PCBD2: variants seen among roughly 807,000 people sequenced by gnomAD.
PCBD2 encodes the protein pterin-4 alpha-carbinolamine dehydratase 2.
PCBD2 carries 12 observed loss-of-function variants against 16.4 expected under a neutral mutation model. That is an observed-to-expected ratio of 0.73 (90% CI 0.47 to 1.19). PCBD2 has a LOEUF of 1.19. Ranked by LOEUF, PCBD2 falls within the 50% of genes most tolerant of loss-of-function variation. The probability of loss-of-function intolerance (pLI) is 0.00; values close to 1 mark genes in which losing one functional copy is unlikely to be tolerated. For synonymous variants in PCBD2, 58 were observed against 61.8 expected, an observed-to-expected ratio of 0.94 and a Z score of 0.29; for missense variants, 138 against 156.8, an observed-to-expected ratio of 0.88 and a Z score of 0.64.
intron 2 of PCBD2, among the ~76,000 whole-genome samples, chr5:134,930,404 C>T (rs1751079445): frequency 6.6e-6 from 1 of 152,138 alleles, no homozygotes; most frequent in Non-Finnish European, 1.5e-5. Flanking sequence ...TACATACAAC[C>T]CTTTCTCACC....
At chr5:134,952,672 G>A (rs1310885782) in intron 2 of PCBD2, among the ~76,000 whole-genome samples, 6 of 152,090 alleles carry the variant, frequency 3.9e-5, no homozygotes, top group Admixed American at 3.3e-4. Flanking sequence ...AGGCATAATG[G>A]CACTTGCCTG....
intron 2 of PCBD2, among the ~76,000 whole-genome samples, chr5:134,929,383 A>G (rs530360781): frequency 6.6e-6 from 1 of 151,898 alleles, no homozygotes; most frequent in South Asian, 2.1e-4. Flanking sequence ...AATCAGGTCA[A>G]TGTCATGTCA....
chr5:134,955,001 C>T (rs963281375), intron 2 of PCBD2, among the ~76,000 whole-genome samples: 1 of 151,920 alleles, frequency 6.6e-6, no homozygotes, highest in Admixed American at 6.6e-5. Flanking sequence ...CTCGGCTTCC[C>T]AAAGTGCTGG....
intron 1 of PCBD2, among the ~76,000 whole-genome samples, chr5:134,909,206 A>C (rs1402838359): frequency 6.6e-6 from 1 of 152,236 alleles, no homozygotes; most frequent in Non-Finnish European, 1.5e-5. Context: ...GACAGTGCAC[A>C]CAAGTGCTTT....
intron 2 of PCBD2, among the ~76,000 whole-genome samples, chr5:134,931,240 C>T (rs1464608922): frequency 5.3e-5 from 8 of 151,904 alleles, no homozygotes; most frequent in Admixed American, 5.2e-4. Context: ...TGGTGGTGTG[C>T]TATAAAGAAA....
chr5:134,910,009 G>T (rs1231054172), intron 1 of PCBD2, among the ~76,000 whole-genome samples: 1 of 152,216 alleles, frequency 6.6e-6, no homozygotes, highest in Non-Finnish European at 1.5e-5. Flanking sequence ...GGCGGAGGTT[G>T]CAGTGAGCTG....
chr5:134,917,810 C>A (rs4345357), intron 2 of PCBD2, among the ~76,000 whole-genome samples: 3 of 152,080 alleles, frequency 2.0e-5, no homozygotes, highest in Non-Finnish European at 4.4e-5. Flanking sequence ...CTTTGGGGTT[C>A]GTAAAATGTT....
chr5:134,914,751 A>T (rs1187997916), intron 2 of PCBD2, among the ~76,000 whole-genome samples: 1 of 151,688 alleles, frequency 6.6e-6, no homozygotes, highest in Non-Finnish European at 1.5e-5. Context: ...GGCTCACTGC[A>T]ACCTCCACCT....
chr5:134,910,609 A>T, intron 2 of PCBD2, 143 bp downstream of exon 2: 2 of 1,097,448 alleles, frequency 1.8e-6, no homozygotes, highest in Non-Finnish European at 2.6e-6. Flanking sequence ...TGATAGAGTG[A>T]CATCCTTGTT....
At chr5:134,960,472 TC>T in intron 3 of PCBD2, 113 bp from the exon 4 acceptor site, 1 of 711,438 alleles carries the variant, frequency 1.4e-6, no homozygotes, top group South Asian at 2.0e-5. Flanking sequence ...AATCATTTAA[TC>T]CCCCTAATTC....
chr5:134,927,791 G>A (rs1340795910), intron 2 of PCBD2: 2 of 397,572 alleles, frequency 5.0e-6, no homozygotes, highest in Admixed American at 4.4e-5. Flanking sequence ...TGGATAAGTG[G>A]CGTTGGCTTG....
chr5:134,935,430 C>T (rs529002588), intron 2 of PCBD2, among the ~76,000 whole-genome samples: 2 of 152,174 alleles, frequency 1.3e-5, no homozygotes, highest in South Asian at 2.1e-4. Context: ...CCACATGTTA[C>T]GATTTGCACA....
At chr5:134,937,797 TGTTA>T (rs1751177841) in intron 2 of PCBD2, among the ~76,000 whole-genome samples, 1 of 152,272 alleles carries the variant, frequency 6.6e-6, no homozygotes, top group South Asian at 2.1e-4. Flanking sequence ...CAATCACATT[TGTTA>T]AAATGTTACA....
At chr5:134,926,839 T>C in intron 2 of PCBD2, 1 of 398,286 alleles carries the variant, frequency 2.5e-6, no homozygotes, top group Admixed American at 4.4e-5. Context: ...GTGATTAGTA[T>C]GTTGAGTCCT....
At chr5:134,959,954 G>C (rs1218846184) in intron 3 of PCBD2, among the ~76,000 whole-genome samples, 1 of 139,216 alleles carries the variant, frequency 7.2e-6, no homozygotes, top group African/African-American at 2.7e-5. Flanking sequence ...GCAGTGCTGC[G>C]ATCTCAGCTC....
At chr5:134,957,595 C>CT (rs1004395524) in intron 2 of PCBD2, among the ~76,000 whole-genome samples, 6 of 152,104 alleles carry the variant, frequency 3.9e-5, no homozygotes, top group African/African-American at 1.2e-4. Context: ...TGAGTGATCC[C>CT]TTGAGCTCAG....
At chr5:134,953,322 A>C (rs1268412951) in intron 2 of PCBD2, among the ~76,000 whole-genome samples, 1 of 150,012 alleles carries the variant, frequency 6.7e-6, no homozygotes, top group Non-Finnish European at 1.5e-5. Context: ...TGTGGATACT[A>C]TTATAACTAT....
chr5:134,922,226 A>G (rs1392274980), intron 2 of PCBD2, among the ~76,000 whole-genome samples: 1 of 152,074 alleles, frequency 6.6e-6, no homozygotes, highest in Non-Finnish European at 1.5e-5. Context: ...TTTTGTTTTT[A>G]GAGATGGGGT....
intron 1 of PCBD2, among the ~76,000 whole-genome samples, chr5:134,909,500 T>G (rs975930077): frequency 6.6e-6 from 1 of 152,224 alleles, no homozygotes; most frequent in Non-Finnish European, 1.5e-5. Flanking sequence ...CAAGGCTGGC[T>G]CTGTACAAAA....
Sources: allele counts gnomAD v4.1 joint callset (sites outside exome capture counted in the v4.1 genomes callset), GRCh38; gene constraint gnomAD v4.1.1; transcripts MANE v1.5; gene names NCBI Gene and HGNC (gene_info 2026-07-23, HGNC 2026-07-21).